Variants in ZFPM2 observed in about 807,000 individuals in gnomAD.
ZFPM2 encodes the protein zinc finger protein, FOG family member 2.
Under a neutral mutation model 98.6 loss-of-function variants are expected in ZFPM2, and 20 were observed. That is an observed-to-expected ratio of 0.20 (90% CI 0.14 to 0.29). ZFPM2 has a LOEUF of 0.29. ZFPM2 is among the 10% of genes least tolerant of loss of function. The probability of loss-of-function intolerance (pLI) is 1.00; values close to 1 mark genes in which losing one functional copy is unlikely to be tolerated. For synonymous variants in ZFPM2, 518 were observed against 502.7 expected, an observed-to-expected ratio of 1.03 and a Z score of -0.41; for missense variants, 1,310 against 1,388.6, an observed-to-expected ratio of 0.94 and a Z score of 0.90.
chr8:105,764,152 T>C (rs1190317696), intron 5 of ZFPM2, among the ~76,000 whole-genome samples: 1 of 151,800 alleles, frequency 6.6e-6, no homozygotes, highest in East Asian at 1.9e-4. Flanking sequence ...ACTATAATCA[T>C]GAAACCCAGG....
chr8:105,357,860 C>T (rs1812777831), intron 1 of ZFPM2, among the ~76,000 whole-genome samples: 2 of 152,144 alleles, frequency 1.3e-5, no homozygotes, highest in African/African-American at 4.8e-5. Context: ...TTACTGGGTT[C>T]ATCAGAGCCT....
At chr8:105,334,756 G>A (rs1812295869) in intron 1 of ZFPM2, among the ~76,000 whole-genome samples, 1 of 151,678 alleles carries the variant, frequency 6.6e-6, no homozygotes, top group Non-Finnish European at 1.5e-5. Flanking sequence ...GTGATTTTAA[G>A]ATGCTTATTT....
chr8:105,707,019 T>C (rs1008994941), intron 5 of ZFPM2, among the ~76,000 whole-genome samples: 1 of 152,092 alleles, frequency 6.6e-6, no homozygotes, highest in Non-Finnish European at 1.5e-5. Flanking sequence ...GGTGGGAGGA[T>C]TGCTTGAGCT....
At chr8:105,657,651 A>G (rs1016272915) in intron 5 of ZFPM2, among the ~76,000 whole-genome samples, 4 of 152,210 alleles carry the variant, frequency 2.6e-5, no homozygotes, top group African/African-American at 9.6e-5. Flanking sequence ...CACGTACTTT[A>G]TAAGCAAACC....
At chr8:105,504,588 A>G (rs964492790) in intron 3 of ZFPM2, among the ~76,000 whole-genome samples, 3 of 152,160 alleles carry the variant, frequency 2.0e-5, no homozygotes, top group African/African-American at 7.2e-5. Context: ...GCGTGAAAAA[A>G]CACTGTAAGT....
At chr8:105,505,837 G>A (rs148750410) in intron 3 of ZFPM2, among the ~76,000 whole-genome samples, 48 of 152,134 alleles carry the variant, frequency 3.2e-4, no homozygotes, top group African/African-American at 1.1e-3. Context: ...AGAAATTTCA[G>A]TTTCAAATTC....
intron 4 of ZFPM2, among the ~76,000 whole-genome samples, chr8:105,584,809 G>C (rs1224057012): frequency 2.6e-5 from 4 of 152,004 alleles, no homozygotes; most frequent in Non-Finnish European, 4.4e-5. Flanking sequence ...ACTGGAGTTG[G>C]GACAATCAGT....
chr8:105,412,170 AT>A (rs1563646799), intron 1 of ZFPM2, among the ~76,000 whole-genome samples: 3 of 151,708 alleles, frequency 2.0e-5, no homozygotes, highest in Admixed American at 1.3e-4. Flanking sequence ...TAAAGAGTAC[AT>A]TTTTTCTCCC....
intron 4 of ZFPM2, among the ~76,000 whole-genome samples, chr8:105,609,786 C>T (rs1816270629): frequency 6.6e-6 from 1 of 152,136 alleles, no homozygotes; most frequent in Admixed American, 6.6e-5. Context: ...GTGAAACATA[C>T]AGCTCTTACT....
chr8:105,362,025 C>T (rs747815790), intron 1 of ZFPM2, among the ~76,000 whole-genome samples: 1 of 151,930 alleles, frequency 6.6e-6, no homozygotes, highest in Admixed American at 6.6e-5. Flanking sequence ...TTTCTTAGAA[C>T]GCATCTCTGT....
intron 1 of ZFPM2, chr8:105,387,021 G>C (rs1811005819): frequency 6.6e-6 from 1 of 152,658 alleles, no homozygotes; most frequent in Admixed American, 6.5e-5. Context: ...GCTAGATACA[G>C]AGTGCCGATT....
intron 5 of ZFPM2, among the ~76,000 whole-genome samples, chr8:105,669,444 C>T (rs114384102): frequency 1.3e-4 from 20 of 150,822 alleles, no homozygotes; most frequent in Non-Finnish European, 2.2e-4. Flanking sequence ...TATATACACA[C>T]GCATATAATG....
intron 1 of ZFPM2, among the ~76,000 whole-genome samples, chr8:105,359,576 G>A (rs1447127506): frequency 3.3e-5 from 5 of 151,642 alleles, no homozygotes; most frequent in Admixed American, 6.6e-5. Context: ...GGGTTTCACC[G>A]TGTTAGCCAG....
In ZFPM2 at chr8:105,387,594, C is replaced by G. The variant is rs540161020; in HGVS notation, c.41-31550C>G. ...GGCTGGCCGCTCTGAGTGCAGGGCC[C>G]GTGGAGCCCACGCCCACCCGGAACT... On this transcript the variant is annotated intron_variant, in intron 1 of 7. Transcript: ENST00000407775. 3.3e-4 allele frequency: 51 copies of G among 153,002 alleles called. 1 individual carries two copies. Among genetic ancestry groups the G allele is most frequent in the African/African-American group, 1.0e-3 (43 of 41,600 alleles). The allele number at this position is 153,002 out of a possible 1,614,324, so 9.5% of individuals were successfully genotyped here.
intron 4 of ZFPM2, among the ~76,000 whole-genome samples, chr8:105,605,753 T>G (rs560496252): frequency 9.2e-5 from 14 of 152,236 alleles, no homozygotes; most frequent in South Asian, 6.2e-4. Flanking sequence ...AATTGCTCAG[T>G]GCAACACTAT....
intron 1 of ZFPM2, among the ~76,000 whole-genome samples, chr8:105,328,461 G>A (rs189983885): frequency 2.6e-5 from 4 of 151,672 alleles, no homozygotes; most frequent in Non-Finnish European, 5.9e-5. Flanking sequence ...ATTATAGAAC[G>A]AATATCTGCT....
intron 3 of ZFPM2, among the ~76,000 whole-genome samples, chr8:105,548,515 G>T (rs1814765187): frequency 6.6e-6 from 1 of 151,766 alleles, no homozygotes; most frequent in African/African-American, 2.4e-5. Context: ...ATCCAATCTG[G>T]CAGTGATTTT....
intron 5 of ZFPM2, chr8:105,678,833 A>G (rs567370350): frequency 5.3e-5 from 8 of 152,312 alleles, no homozygotes; most frequent in South Asian, 2.1e-4. Context: ...CATTGGCTCA[A>G]TCAGCATAAT....
At chr8:105,704,924 C>T (rs1811222782) in intron 5 of ZFPM2, among the ~76,000 whole-genome samples, 1 of 152,158 alleles carries the variant, frequency 6.6e-6, no homozygotes, top group African/African-American at 2.4e-5. Context: ...GTCAGTTAGT[C>T]TCGTCTTAGG....
Sources: gnomAD v4.1 joint callset for allele counts (sites outside exome capture counted in the v4.1 genomes callset) on GRCh38, gnomAD v4.1.1 for gene constraint, MANE v1.5 for transcripts, NCBI Gene and HGNC (gene_info 2026-07-23, HGNC 2026-07-21) for gene names.